Variants in CACNB2 observed in about 807,000 individuals in gnomAD.
The protein encoded by CACNB2 is calcium voltage-gated channel auxiliary subunit beta 2, also known as voltage-dependent L-type calcium channel subunit beta-2.
CACNB2 carries 42 observed loss-of-function variants against 73.3 expected under a neutral mutation model. The observed-to-expected ratio is 0.57, with a 90% CI of 0.45 to 0.74. CACNB2 has a LOEUF of 0.74. Among genes scored for constraint, CACNB2 ranks in the 30% least tolerant of loss-of-function variants. CACNB2 has a pLI of 0.00. For missense variants in CACNB2, 940 were observed against 853.0 expected (o/e 1.10, Z -1.27); for synonymous variants, 348 against 310.3 (o/e 1.12, Z -1.28).
At chr10:18,477,937 T>C (rs1004354383) in intron 3 of CACNB2, among the ~76,000 whole-genome samples, 1 of 152,022 alleles carries the variant, frequency 6.6e-6, no homozygotes, top group Non-Finnish European at 1.5e-5. Context: ...CCAAGGTTTG[T>C]TTGTTCGTTT....
intron 9 of CACNB2, among the ~76,000 whole-genome samples, chr10:18,524,793 G>A (rs1344528297): frequency 6.6e-6 from 1 of 151,536 alleles, no homozygotes; most frequent in African/African-American, 2.4e-5. Flanking sequence ...AGGAGGCTAA[G>A]GGAGGAGGAC....
At chr10:18,292,272 A>G (rs2039095148) in intron 2 of CACNB2, among the ~76,000 whole-genome samples, 1 of 152,228 alleles carries the variant, frequency 6.6e-6, no homozygotes, top group South Asian at 2.1e-4. Context: ...TATCTAAGTA[A>G]TTGCCCTCAA....
chr10:18,535,914 G>A (rs556778731), intron 11 of CACNB2, among the ~76,000 whole-genome samples, 187 bp from the exon 12 acceptor site: 3 of 152,194 alleles, frequency 2.0e-5, no homozygotes, highest in Admixed American at 1.3e-4. Flanking sequence ...GAAAAAATGT[G>A]AGTGCTTAAA....
intron 3 of CACNB2, among the ~76,000 whole-genome samples, chr10:18,483,531 C>A (rs1186263241): frequency 4.5e-3 from 521 of 114,570 alleles, no homozygotes; most frequent in Middle Eastern, 0.017. Flanking sequence ...AACTCTGTCT[C>A]AAAAAAAAAA....
At chr10:18,394,371 A>G (rs1021311833) in intron 2 of CACNB2, among the ~76,000 whole-genome samples, 9 of 152,338 alleles carry the variant, frequency 5.9e-5, no homozygotes, top group African/African-American at 1.9e-4. Context: ...ATCGTTAGAA[A>G]TGGCTATACC....
chr10:18,357,913 A>G (rs772324123), intron 2 of CACNB2, among the ~76,000 whole-genome samples: 1 of 151,744 alleles, frequency 6.6e-6, no homozygotes, highest in Non-Finnish European at 1.5e-5. Flanking sequence ...TAGACGATAA[A>G]CTCCTTAAGC....
At chr10:18,446,208 G>A (rs1189264498) in intron 3 of CACNB2, among the ~76,000 whole-genome samples, 1 of 152,188 alleles carries the variant, frequency 6.6e-6, no homozygotes, top group African/African-American at 2.4e-5. Flanking sequence ...ATGAAGCACA[G>A]AAGAATGGAG....
At chr10:18,345,139 T>C (rs1023483050) in intron 2 of CACNB2, among the ~76,000 whole-genome samples, 19 of 152,230 alleles carry the variant, frequency 1.2e-4, no homozygotes, top group African/African-American at 4.1e-4. Context: ...TTTGAACATA[T>C]GGTTTTCAGC....
At chr10:18,477,593 G>A (rs973682545) in intron 3 of CACNB2, among the ~76,000 whole-genome samples, 2 of 152,172 alleles carry the variant, frequency 1.3e-5, no homozygotes, top group African/African-American at 4.8e-5. Flanking sequence ...AAAGAACATG[G>A]AATCACTAAA....
At chr10:18,489,392 A>G (rs75113247) in intron 3 of CACNB2, among the ~76,000 whole-genome samples, 3 of 17,570 alleles carry the variant, frequency 1.7e-4, no homozygotes, top group South Asian at 2.6e-3. Context: ...CTCCATCTCA[A>G]AAAAAAAAAA....
intron 13 of CACNB2, among the ~76,000 whole-genome samples, chr10:18,538,862 C>T (rs1589774186): frequency 6.6e-6 from 1 of 152,066 alleles, no homozygotes; most frequent in East Asian, 1.9e-4. Context: ...TTTTAATATT[C>T]TCACATACAG....
chr10:18,323,373 AT>A (rs2040466241), intron 2 of CACNB2, among the ~76,000 whole-genome samples: 1 of 148,306 alleles, frequency 6.7e-6, no homozygotes, highest in South Asian at 2.2e-4. Context: ...CTAAGTATAT[AT>A]TTTTTGAGGG....
chr10:18,461,087 G>A (rs1020653996), intron 3 of CACNB2, among the ~76,000 whole-genome samples: 2 of 151,856 alleles, frequency 1.3e-5, no homozygotes, highest in Admixed American at 6.6e-5. Flanking sequence ...GCGCCACCAC[G>A]CCCAGAAAAT....
At chr10:18,408,779 G>A (rs188402319) in intron 3 of CACNB2, among the ~76,000 whole-genome samples, 103 of 152,148 alleles carry the variant, frequency 6.8e-4, no homozygotes, top group Non-Finnish European at 1.4e-3. Flanking sequence ...GGTTCTTTAG[G>A]GATGAGATTA....
intron 3 of CACNB2, among the ~76,000 whole-genome samples, chr10:18,402,785 G>C (rs1325087160): frequency 6.6e-6 from 1 of 152,196 alleles, no homozygotes. Flanking sequence ...GGCTTGGTTT[G>C]TGGGATACTC....
intron 2 of CACNB2, among the ~76,000 whole-genome samples, chr10:18,249,008 G>C (rs2036981172): frequency 6.6e-6 from 1 of 152,086 alleles, no homozygotes; most frequent in East Asian, 1.9e-4. Context: ...TGTTGATTCT[G>C]TTTTCCTGGC....
intron 2 of CACNB2, among the ~76,000 whole-genome samples, chr10:18,229,399 C>T (rs2036139731): frequency 6.6e-6 from 1 of 152,080 alleles, no homozygotes; most frequent in Non-Finnish European, 1.5e-5. Flanking sequence ...TCTTATTAGA[C>T]CACAGATATG....
At chr10:18,349,335 C>G (rs146444923) in intron 2 of CACNB2, among the ~76,000 whole-genome samples, 1 of 152,088 alleles carries the variant, frequency 6.6e-6, no homozygotes, top group Non-Finnish European at 1.5e-5. Context: ...TAAAAAGAAC[C>G]GTTTTCCCGG....
At chr10:18,465,946 G>A (rs527855265) in intron 3 of CACNB2, among the ~76,000 whole-genome samples, 1 of 152,114 alleles carries the variant, frequency 6.6e-6, no homozygotes, top group African/African-American at 2.4e-5. Context: ...CTCCCAAAGT[G>A]CTGGGATTAC....
Sources: allele counts gnomAD v4.1 joint callset (sites outside exome capture counted in the v4.1 genomes callset), GRCh38; gene constraint gnomAD v4.1.1; transcripts MANE v1.5; gene names NCBI Gene and HGNC (gene_info 2026-07-23, HGNC 2026-07-21).